SH3GL3: variants seen among roughly 807,000 people sequenced by gnomAD.
The protein encoded by SH3GL3 is SH3 domain containing GRB2 like 3, endophilin A3, also known as endophilin-A3.
SH3GL3 carries 33 observed loss-of-function variants against 47.7 expected under a neutral mutation model. The observed-to-expected ratio is 0.69, with a 90% CI of 0.52 to 0.92. The LOEUF is 0.92. Ranked by LOEUF, SH3GL3 falls within the 40% of genes least tolerant of loss-of-function variation. The probability of loss-of-function intolerance (pLI) is 0.00; values close to 1 mark genes in which losing one functional copy is unlikely to be tolerated. For synonymous variants in SH3GL3, 155 were observed against 148.8 expected, an observed-to-expected ratio of 1.04 and a Z score of -0.30; for missense variants, 363 against 417.8, an observed-to-expected ratio of 0.87 and a Z score of 1.14.
chr15:83,595,425 G>A (rs1473098066), intron 8 of SH3GL3, among the ~76,000 whole-genome samples: 8 of 151,112 alleles, frequency 5.3e-5, no homozygotes, highest in South Asian at 2.1e-4. Context: ...CCTGAGTGAC[G>A]AAATAATCTG....
At chr15:83,524,297 G>T (rs909556238) in intron 1 of SH3GL3, among the ~76,000 whole-genome samples, 12 of 152,270 alleles carry the variant, frequency 7.9e-5, no homozygotes, top group Non-Finnish European at 2.9e-5. Flanking sequence ...GTGTTGTCAT[G>T]AAGGATGCAT....
At chr15:83,489,964 A>T (rs1402786479) in intron 1 of SH3GL3, among the ~76,000 whole-genome samples, 1 of 152,212 alleles carries the variant, frequency 6.6e-6, no homozygotes, top group African/African-American at 2.4e-5. Context: ...TTATAAATTG[A>T]TGTTTGATAG....
intron 1 of SH3GL3, among the ~76,000 whole-genome samples, chr15:83,497,060 T>G (rs2042109158): frequency 6.6e-6 from 1 of 152,124 alleles, no homozygotes; most frequent in Non-Finnish European, 1.5e-5. Flanking sequence ...ACATCTGTCT[T>G]CTCTGCTATA....
intron 4 of SH3GL3, among the ~76,000 whole-genome samples, chr15:83,569,410 A>G (rs1197987151): frequency 2.6e-5 from 4 of 152,242 alleles, no homozygotes; most frequent in Admixed American, 6.5e-5. Context: ...TACTAAATAA[A>G]TGTTTCTTTA....
intron 1 of SH3GL3, among the ~76,000 whole-genome samples, chr15:83,485,836 T>C (rs1308376928): frequency 6.6e-6 from 1 of 152,214 alleles, no homozygotes; most frequent in Non-Finnish European, 1.5e-5. Context: ...GGATTTGTTT[T>C]TTTAAATTTC....
At chr15:83,565,968 T>A (rs1012740305) in intron 3 of SH3GL3, 22 of 152,332 alleles carry the variant, frequency 1.4e-4, no homozygotes, top group African/African-American at 5.3e-4. Context: ...TCTTTACAAT[T>A]GTATTGATGA....
intron 1 of SH3GL3, among the ~76,000 whole-genome samples, chr15:83,472,440 A>G (rs186425679): frequency 3.3e-5 from 5 of 151,746 alleles, no homozygotes; most frequent in Admixed American, 2.6e-4. Flanking sequence ...CAGATTGGGT[A>G]ATTTTCATTG....
chr15:83,535,540 A>G (rs1195160544), intron 1 of SH3GL3, among the ~76,000 whole-genome samples: 3 of 152,172 alleles, frequency 2.0e-5, no homozygotes, highest in East Asian at 1.9e-4. Context: ...CCAAATCCCC[A>G]TGAAACTTCA....
intron 2 of SH3GL3, 78 bp from the exon 3 acceptor site, chr15:83,565,056 A>C: frequency 1.6e-6 from 1 of 615,730 alleles, no homozygotes; most frequent in East Asian, 2.8e-5. Context: ...AAATTAATGA[A>C]AATTCCTCCT....
intron 1 of SH3GL3, among the ~76,000 whole-genome samples, chr15:83,536,209 A>G (rs768564318): frequency 6.6e-6 from 1 of 152,138 alleles, no homozygotes; most frequent in Admixed American, 6.6e-5. Context: ...AATCATTTGC[A>G]GGAAGCCCAA....
chr15:83,516,156 A>G (rs1256004658), intron 1 of SH3GL3, among the ~76,000 whole-genome samples: 4 of 152,282 alleles, frequency 2.6e-5, no homozygotes, highest in African/African-American at 9.6e-5. Flanking sequence ...GCTCAATTTC[A>G]TGATGAGCAT....
chr15:83,448,996 C>T lies in SH3GL3; in HGVS notation c.45+1418C>T, dbSNP rs571142625. Reference sequence around the variant, plus strand: ...GCCTGGGTTGGGGTGCATATCCTGACCTGCAGCTCAGGGGGTGAGGCTGGT... The same window carrying T: ...GCCTGGGTTGGGGTGCATATCCTGATCTGCAGCTCAGGGGGTGAGGCTGGT... On this transcript the variant is annotated intron_variant, in intron 1 of 8. Transcript: ENST00000427482. The surrounding 1 kb of genome is among the most constrained non-coding windows in gnomAD (Gnocchi z 4.2). Among the ~76,000 whole-genome samples, 3 of 152,228 alleles carry T rather than the reference C, an allele frequency of 2.0e-5. No homozygotes were observed. In the East Asian group the frequency reaches 5.8e-4, roughly 29 times the overall value.
At position 83,589,527 on chromosome 15, in the gene SH3GL3, T is replaced by A. The variant is rs1178410934; in HGVS notation, c.838+756T>A. On this transcript the variant is annotated intron_variant, in intron 8 of 8. Transcript: ENST00000427482. ...ATGTAGCTGGAACTACAGGTGTATG[T>A]GACCCTGCCAGGCAAATTTTTTTAT... 3.9e-5 allele frequency among the ~76,000 whole-genome samples: 6 copies of A among 151,964 alleles called. No individual in the cohort carries two copies. In the East Asian group the frequency reaches 1.2e-3, roughly 29 times the overall value.
At chr15:83,572,473 C>T in intron 4 of SH3GL3, 92 bp from the exon 5 acceptor site, 1 of 1,097,020 alleles carries the variant, frequency 9.1e-7, no homozygotes, top group Non-Finnish European at 1.3e-6. Context: ...CACCATCATC[C>T]ACACACTTTT....
intron 1 of SH3GL3, among the ~76,000 whole-genome samples, chr15:83,494,846 T>G: frequency 2.7e-5 from 4 of 150,884 alleles, no homozygotes; most frequent in South Asian, 2.2e-4. Flanking sequence ...ACCTGGCCGC[T>G]TTTTGTTTTT....
rs140690291 is a variant in SH3GL3 at position 83,562,714 on chromosome 15, C to G, written c.115-2420C>G. 2.9e-3 allele frequency among the ~76,000 whole-genome samples: 446 copies of G among 152,284 alleles called. 4 individuals are homozygous for G. Among genetic ancestry groups the G allele is most frequent in the African/African-American group, 9.7e-3 (402 of 41,558 alleles). ...ATTAAGCAAATTCCCTTAGACATTT[C>G]AAGCTATAATCACAAAGGCAAGGTA... On this transcript the variant is annotated intron_variant, in intron 2 of 8. Coordinates refer to ENST00000427482, the MANE Select transcript of SH3GL3 (RefSeq NM_003027.5).
At chr15:83,527,650 T>C (rs926270452) in intron 1 of SH3GL3, among the ~76,000 whole-genome samples, 1 of 152,206 alleles carries the variant, frequency 6.6e-6, no homozygotes, top group Non-Finnish European at 1.5e-5. Context: ...AGTTGGCTAA[T>C]GTTTTTTAAT....
chr15:83,522,517 T>C (rs2043252823), intron 1 of SH3GL3, among the ~76,000 whole-genome samples: 1 of 152,222 alleles, frequency 6.6e-6, no homozygotes, highest in African/African-American at 2.4e-5. Context: ...GCTGACCACA[T>C]TTTGGCAAAT....
intron 1 of SH3GL3, among the ~76,000 whole-genome samples, chr15:83,480,380 C>T (rs894387196): frequency 6.6e-6 from 1 of 152,174 alleles, no homozygotes; most frequent in African/African-American, 2.4e-5. Flanking sequence ...TTTTAAAGTT[C>T]TCACAGTTTA....
Sources: gnomAD v4.1 joint callset for allele counts (sites outside exome capture counted in the v4.1 genomes callset) on GRCh38, gnomAD v4.1.1 for gene constraint, Gnocchi (gnomAD v3.1) non-coding constraint, MANE v1.5 for transcripts, NCBI Gene and HGNC (gene_info 2026-07-23, HGNC 2026-07-21) for gene names.